MYO16: variants seen among roughly 807,000 people sequenced by gnomAD.
The protein encoded by MYO16 is myosin XVI.
MYO16 carries 94 observed loss-of-function variants against 205.3 expected under a neutral mutation model. The observed-to-expected ratio is 0.46, with a 90% CI of 0.39 to 0.54. The LOEUF is 0.54. Ranked by LOEUF, MYO16 falls within the 20% of genes least tolerant of loss-of-function variation. The probability of loss-of-function intolerance (pLI) is 0.00; values close to 1 mark genes in which losing one functional copy is unlikely to be tolerated. For missense variants in MYO16, 2,315 were observed against 2,387.5 expected, an observed-to-expected ratio of 0.97 and a Z score of 0.63; for synonymous variants, 988 against 954.0, an observed-to-expected ratio of 1.04 and a Z score of -0.66.
At chr13:109,098,820 G>A (rs551527988) in intron 27 of MYO16, among the ~76,000 whole-genome samples, 2 of 152,276 alleles carry the variant, frequency 1.3e-5, no homozygotes, top group East Asian at 3.9e-4. Flanking sequence ...ATCCACTTTT[G>A]TCATACATCA....
At chr13:108,785,768 AG>A in intron 5 of MYO16, 25 bp downstream of exon 5, 2 of 1,374,548 alleles carry the variant, frequency 1.5e-6, no homozygotes, top group Non-Finnish European at 2.0e-6. Flanking sequence ...TTAAAACCAT[AG>A]AAAAAAATAG....
chr13:108,739,604 A>G (rs1244480472), intron 4 of MYO16, among the ~76,000 whole-genome samples: 2 of 152,026 alleles, frequency 1.3e-5, no homozygotes, highest in African/African-American at 2.4e-5. Flanking sequence ...GAATCTGCCA[A>G]TTATGTGTCT....
At chr13:108,836,902 G>C (rs1378106964) in intron 9 of MYO16, among the ~76,000 whole-genome samples, 1 of 152,158 alleles carries the variant, frequency 6.6e-6, no homozygotes, top group East Asian at 1.9e-4. Flanking sequence ...GACTTACCTT[G>C]ACTCAGATGA....
At chr13:108,796,050 G>A (rs1464611769) in intron 6 of MYO16, among the ~76,000 whole-genome samples, 2 of 152,174 alleles carry the variant, frequency 1.3e-5, no homozygotes, top group Non-Finnish European at 2.9e-5. Context: ...AAACAGCAAG[G>A]AGCCCATATG....
chr13:108,521,586 C>T, the MYO16 span, among the ~76,000 whole-genome samples: 1 of 152,146 alleles, frequency 6.6e-6, no homozygotes, highest in Non-Finnish European at 1.5e-5. Flanking sequence ...CTACTTACTG[C>T]GGTCACCTTT....
intron 16 of MYO16, among the ~76,000 whole-genome samples, chr13:108,913,833 C>T (rs1373084468): frequency 3.9e-5 from 6 of 152,180 alleles, no homozygotes; most frequent in African/African-American, 1.4e-4. Flanking sequence ...CTTGGCCAAT[C>T]CCAGCGGCCA....
At chr13:109,118,840 G>GA (rs564968648) in intron 28 of MYO16, among the ~76,000 whole-genome samples, 23 of 148,018 alleles carry the variant, frequency 1.6e-4, no homozygotes, top group South Asian at 8.5e-4. Context: ...GCAATACAAT[G>GA]AAAAAAAAAA....
chr13:108,708,397 G>A (rs1566562991), intron 2 of MYO16, among the ~76,000 whole-genome samples: 2 of 152,002 alleles, frequency 1.3e-5, no homozygotes, highest in African/African-American at 4.8e-5. Context: ...ATTTCAGGAG[G>A]AAAAAAATGA....
chr13:108,824,225 T>G (rs533234585), intron 9 of MYO16, among the ~76,000 whole-genome samples: 1 of 152,168 alleles, frequency 6.6e-6, no homozygotes, highest in African/African-American at 2.4e-5. Context: ...GAAAGATAAA[T>G]TATTAAACAT....
intron 34 of MYO16, among the ~76,000 whole-genome samples, chr13:109,180,759 A>G (rs1381776991): frequency 6.6e-6 from 1 of 152,232 alleles, no homozygotes; most frequent in Non-Finnish European, 1.5e-5. Context: ...AAATAGAAAG[A>G]AAATGCTGAT....
At chr13:108,706,989 T>A (rs892710871) in intron 2 of MYO16, among the ~76,000 whole-genome samples, 6 of 152,146 alleles carry the variant, frequency 3.9e-5, no homozygotes, top group African/African-American at 1.4e-4. Flanking sequence ...CAGCCTTGAC[T>A]TCATGCCCAG....
intron 14 of MYO16, among the ~76,000 whole-genome samples, chr13:108,893,232 A>G (rs1348097310): frequency 1.3e-5 from 2 of 152,196 alleles, no homozygotes; most frequent in African/African-American, 4.8e-5. Flanking sequence ...ACAAGCATTG[A>G]ATACATTTTT....
chr13:108,817,056 A>G (rs1170447320), intron 7 of MYO16, among the ~76,000 whole-genome samples: 1 of 152,190 alleles, frequency 6.6e-6, no homozygotes, highest in Admixed American at 6.5e-5. Context: ...GACAATATCA[A>G]GTGTTGGAGA....
intron 20 of MYO16, among the ~76,000 whole-genome samples, chr13:108,988,165 G>A (rs1449175624): frequency 1.3e-5 from 2 of 152,126 alleles, no homozygotes; most frequent in African/African-American, 2.4e-5. Flanking sequence ...GTCAGAAATT[G>A]AATGTTAAGT....
intron 32 of MYO16, among the ~76,000 whole-genome samples, chr13:109,153,652 G>C (rs556819886): frequency 6.6e-6 from 1 of 152,264 alleles, no homozygotes; most frequent in South Asian, 2.1e-4. Context: ...CCAGCTACTT[G>C]GGAGGCTAAG....
intron 27 of MYO16, among the ~76,000 whole-genome samples, chr13:109,088,752 G>T (rs1440966656): frequency 1.3e-5 from 2 of 152,190 alleles, no homozygotes; most frequent in Non-Finnish European, 2.9e-5. Flanking sequence ...TCCGCATCGC[G>T]CGAGAAGAAG....
At chr13:108,971,485 T>C (rs1273019484) in intron 20 of MYO16, among the ~76,000 whole-genome samples, 2 of 150,624 alleles carry the variant, frequency 1.3e-5, no homozygotes, top group Non-Finnish European at 2.9e-5. Flanking sequence ...GTTATTTGAG[T>C]ATACTTTTAT....
intron 20 of MYO16, among the ~76,000 whole-genome samples, chr13:108,979,115 T>C (rs1194753446): frequency 1.3e-5 from 2 of 152,038 alleles, no homozygotes; most frequent in Non-Finnish European, 2.9e-5. Flanking sequence ...TTTTCAAGAA[T>C]CATATTTTCA....
chr13:108,929,143 A>G (rs1183987739), intron 16 of MYO16, among the ~76,000 whole-genome samples: 4 of 152,248 alleles, frequency 2.6e-5, no homozygotes, highest in South Asian at 2.1e-4. Context: ...TGTGAATAAC[A>G]TAGAAGAAAC....
Sources: gnomAD v4.1 joint callset for allele counts (sites outside exome capture counted in the v4.1 genomes callset) on GRCh38, gnomAD v4.1.1 for gene constraint, MANE v1.5 for transcripts, NCBI Gene and HGNC (gene_info 2026-07-23, HGNC 2026-07-21) for gene names.